The following ASTN1 variants were observed in gnomAD, a reference collection of about 807,000 sequenced individuals.
The protein encoded by ASTN1 is astrotactin-1.
Under a neutral mutation model 140.7 loss-of-function variants are expected in ASTN1, and 41 were observed. The ratio of observed to expected loss-of-function variants is 0.29; its 90% confidence interval spans 0.23 to 0.38. The LOEUF is 0.38. Ranked by LOEUF, ASTN1 falls within the 10% of genes least tolerant of loss-of-function variation. ASTN1 has a pLI of 1.00. For synonymous variants in ASTN1, 640 were observed against 652.2 expected, an observed-to-expected ratio of 0.98 and a Z score of 0.29; for missense variants, 1,479 against 1,678.8, an observed-to-expected ratio of 0.88 and a Z score of 2.08.
rs146978031 is a variant in ASTN1, at chr1:176,986,681, A to C, written c.1524-21444T>G. The stretch of plus-strand genomic sequence containing the variant: ...TCTGAGTTCAAAGCCTGAATTTGAC[A>C]CTTATGAGCTGAGAAATCTTAAGTA... On this transcript the variant is annotated intron_variant, in intron 8 of 22. Coordinates refer to ENST00000361833, the MANE Select transcript of ASTN1 (RefSeq NM_004319.3). Among the ~76,000 whole-genome samples, 315 of 152,200 alleles carry C rather than the reference A, an allele frequency of 2.1e-3. 2 individuals carry two copies. Among genetic ancestry groups the C allele is most frequent in the African/African-American group, 7.4e-3 (306 of 41,520 alleles).
At chr1:177,077,929 T>C (rs940904496) in intron 1 of ASTN1, among the ~76,000 whole-genome samples, 1 of 152,032 alleles carries the variant, frequency 6.6e-6, no homozygotes, top group East Asian at 1.9e-4. Context: ...CTCGTAGGAA[T>C]GTGAAATTGG....
intron 4 of ASTN1, among the ~76,000 whole-genome samples, chr1:177,030,478 T>C (rs887800170): frequency 6.6e-6 from 1 of 152,210 alleles, no homozygotes; most frequent in Non-Finnish European, 1.5e-5. Context: ...GCTAGGTAGT[T>C]AACCAATTCC....
intron 1 of ASTN1, among the ~76,000 whole-genome samples, chr1:177,121,516 C>T (rs542054742): frequency 1.1e-4 from 17 of 152,058 alleles, no homozygotes; most frequent in Non-Finnish European, 2.2e-4. Flanking sequence ...ATAGGTTTCT[C>T]ATCTATAGGA....
intron 8 of ASTN1, chr1:176,975,943 G>T (rs1015645607): frequency 7.2e-5 from 11 of 152,104 alleles, no homozygotes; most frequent in African/African-American, 2.7e-4. Flanking sequence ...GATGAGTTTG[G>T]CATTCTGTAT....
intron 11 of ASTN1, among the ~76,000 whole-genome samples, chr1:176,950,238 C>T (rs1244950836): frequency 6.6e-6 from 1 of 152,150 alleles, no homozygotes; most frequent in East Asian, 1.9e-4. Flanking sequence ...CACAACACCC[C>T]CAGGAGGTAA....
chr1:177,149,323 AT>A (rs1222667458), intron 1 of ASTN1, among the ~76,000 whole-genome samples: 1 of 86,354 alleles, frequency 1.2e-5, no homozygotes, highest in Non-Finnish European at 1.9e-5. Context: ...TATATAGTAT[AT>A]ATATAGTAAA....
At chr1:177,027,755 T>C (rs1676201279) in intron 5 of ASTN1, among the ~76,000 whole-genome samples, 1 of 150,096 alleles carries the variant, frequency 6.7e-6, no homozygotes, top group African/African-American at 2.4e-5. Flanking sequence ...TGTGTGTGTG[T>C]GTGTGTGTAT....
At chr1:176,880,227 C>T (rs562959699) in intron 20 of ASTN1, among the ~76,000 whole-genome samples, 4 of 152,322 alleles carry the variant, frequency 2.6e-5, no homozygotes, top group Admixed American at 2.6e-4. Flanking sequence ...CACAGAACAG[C>T]TCTGCTTCCA....
chr1:176,985,287 C>T (rs540598949), intron 8 of ASTN1, among the ~76,000 whole-genome samples: 2 of 152,286 alleles, frequency 1.3e-5, no homozygotes, highest in South Asian at 4.2e-4. Context: ...AGGACTCAGT[C>T]TCCACCCGCA....
At chr1:177,027,546 C>T (rs1014426166) in intron 5 of ASTN1, among the ~76,000 whole-genome samples, 6 of 150,364 alleles carry the variant, frequency 4.0e-5, no homozygotes, top group Non-Finnish European at 5.9e-5. Context: ...CTTACCATCT[C>T]GTGTGCGTAT....
intron 7 of ASTN1, among the ~76,000 whole-genome samples, chr1:177,020,457 T>C (rs182104419): frequency 5.3e-5 from 8 of 152,294 alleles, no homozygotes; most frequent in Admixed American, 5.2e-4. Context: ...TCAAAGTCTG[T>C]AATGGCTGCT....
intron 20 of ASTN1, among the ~76,000 whole-genome samples, chr1:176,878,175 C>T (rs1011326599): frequency 6.6e-6 from 1 of 152,178 alleles, no homozygotes; most frequent in Non-Finnish European, 1.5e-5. Flanking sequence ...TGCCTAGATT[C>T]AGGACACAGC....
At chr1:177,035,330 A>T (rs113658479) in intron 2 of ASTN1, among the ~76,000 whole-genome samples, 8 of 152,320 alleles carry the variant, frequency 5.3e-5, no homozygotes, top group African/African-American at 1.9e-4. Context: ...ATCTTGCACA[A>T]CATAAGAGGA....
At chr1:177,158,337 G>C (rs1683329675) in intron 1 of ASTN1, among the ~76,000 whole-genome samples, 1 of 152,138 alleles carries the variant, frequency 6.6e-6, no homozygotes, top group African/African-American at 2.4e-5. Flanking sequence ...AGATGACCAT[G>C]TAACAAAAGC....
At chr1:177,097,390 G>A (rs946321094) in intron 1 of ASTN1, among the ~76,000 whole-genome samples, 1 of 152,002 alleles carries the variant, frequency 6.6e-6, no homozygotes, top group Non-Finnish European at 1.5e-5. Context: ...CTGGGTCTCG[G>A]GTTAGAACCC....
chr1:176,976,374 T>G (rs1220821683), intron 8 of ASTN1: 2 of 152,154 alleles, frequency 1.3e-5, no homozygotes, highest in Non-Finnish European at 2.9e-5. Flanking sequence ...ACTGCTCTCT[T>G]CCTCCTCTCT....
intron 8 of ASTN1, among the ~76,000 whole-genome samples, chr1:176,970,832 T>C (rs1673114608): frequency 6.6e-6 from 1 of 151,910 alleles, no homozygotes; most frequent in African/African-American, 2.4e-5. Flanking sequence ...GGCATTTCAT[T>C]AAGGGCTTTA....
intron 8 of ASTN1, among the ~76,000 whole-genome samples, chr1:176,967,990 T>C (rs1024519172): frequency 1.3e-5 from 2 of 152,052 alleles, no homozygotes; most frequent in African/African-American, 2.4e-5. Flanking sequence ...GACCCCATCC[T>C]GATCACATTT....
At chr1:177,096,906 C>T (rs1287554457) in intron 1 of ASTN1, among the ~76,000 whole-genome samples, 3 of 152,112 alleles carry the variant, frequency 2.0e-5, no homozygotes, top group Admixed American at 2.0e-4. Context: ...AGCTGCTTTG[C>T]CTTTTCCGTC....
Sources: gnomAD v4.1 joint callset for allele counts (sites outside exome capture counted in the v4.1 genomes callset) on GRCh38, gnomAD v4.1.1 for gene constraint, MANE v1.5 for transcripts, NCBI Gene and HGNC (gene_info 2026-07-23, HGNC 2026-07-21) for gene names.